Variants in APBA1 observed in about 807,000 individuals in gnomAD.
APBA1 encodes amyloid-beta A4 precursor protein-binding family A member 1.
APBA1 carries 55 observed loss-of-function variants against 86.6 expected under a neutral mutation model. The ratio of observed to expected loss-of-function variants is 0.64; its 90% CI spans 0.51 to 0.80. The LOEUF (loss-of-function observed/expected upper bound fraction) is 0.80, where lower values mean the gene tolerates loss of function less well. Ranked by LOEUF, APBA1 falls within the 30% of genes least tolerant of loss-of-function variation. APBA1 has a pLI of 0.00. For synonymous variants in APBA1, 511 were observed against 493.9 expected (o/e 1.03, Z -0.46); for missense variants, 1,090 against 1,183.0 (o/e 0.92, Z 1.15).
intron 1 of APBA1, among the ~76,000 whole-genome samples, chr9:69,619,193 G>A (rs1465166525): frequency 1.3e-5 from 2 of 152,160 alleles, no homozygotes; most frequent in East Asian, 3.8e-4. Context: ...TAGGAGTGGA[G>A]AGAAGGAAAC....
chr9:69,656,462 C>A (rs968497074), intron 1 of APBA1, among the ~76,000 whole-genome samples: 1 of 152,106 alleles, frequency 6.6e-6, no homozygotes, highest in Non-Finnish European at 1.5e-5. Flanking sequence ...AAGTCAGATG[C>A]AAAAGGCTAC....
chr9:69,491,036 A>G (rs1287848576), intron 2 of APBA1, among the ~76,000 whole-genome samples: 1 of 152,166 alleles, frequency 6.6e-6, no homozygotes, highest in African/African-American at 2.4e-5. Flanking sequence ...CCATTGTGGA[A>G]GTCAGTGTGG....
intron 1 of APBA1, among the ~76,000 whole-genome samples, chr9:69,668,779 C>T (rs1442631605): frequency 6.6e-6 from 1 of 152,120 alleles, no homozygotes. Context: ...TAGGCATACA[C>T]CTTCCACTGC....
At chr9:69,442,210 T>C (rs530773341) in intron 10 of APBA1, among the ~76,000 whole-genome samples, 2 of 152,300 alleles carry the variant, frequency 1.3e-5, no homozygotes, top group African/African-American at 2.4e-5. Context: ...GGAGAAGGAA[T>C]GGCTGATAGC....
At chr9:69,578,063 C>A (rs1821837001) in intron 1 of APBA1, among the ~76,000 whole-genome samples, 1 of 152,172 alleles carries the variant, frequency 6.6e-6, no homozygotes, top group Admixed American at 6.5e-5. Flanking sequence ...GTAAAAGGAG[C>A]CTAGAGGCAA....
At chr9:69,540,287 TC>T (rs1443046389) in intron 1 of APBA1, among the ~76,000 whole-genome samples, 2 of 152,138 alleles carry the variant, frequency 1.3e-5, no homozygotes, top group Non-Finnish European at 2.9e-5. Flanking sequence ...TTGGTCTCTC[TC>T]CCCCACCATG....
intron 1 of APBA1, among the ~76,000 whole-genome samples, chr9:69,632,381 G>A (rs1360911650): frequency 6.6e-6 from 1 of 152,102 alleles, no homozygotes; most frequent in African/African-American, 2.4e-5. Context: ...TTTATTGAGA[G>A]AGAGTCAGTA....
At chr9:69,495,145 C>T (rs1835775341) in intron 2 of APBA1, among the ~76,000 whole-genome samples, 2 of 152,076 alleles carry the variant, frequency 1.3e-5, no homozygotes, top group South Asian at 4.1e-4. Flanking sequence ...CCATCTTGGA[C>T]TTCCAAGCCC....
At chr9:69,595,823 G>A (rs1192185393) in intron 1 of APBA1, among the ~76,000 whole-genome samples, 1 of 152,076 alleles carries the variant, frequency 6.6e-6, no homozygotes, top group Non-Finnish European at 1.5e-5. Context: ...TCTAAGCTCT[G>A]AAGAGACCTT....
intron 2 of APBA1, among the ~76,000 whole-genome samples, chr9:69,504,390 T>G (rs549590561): frequency 1.2e-4 from 18 of 152,218 alleles, no homozygotes; most frequent in African/African-American, 4.3e-4. Context: ...TCTTGATTTC[T>G]CCAAGCGACT....
chr9:69,449,855 A>G, intron 9 of APBA1, 59 bp from the exon 10 acceptor site: 1 of 1,475,716 alleles, frequency 6.8e-7, no homozygotes, highest in South Asian at 1.2e-5. Context: ...GTAGGTAGAA[A>G]TGAAAGCCTC....
At chr9:69,527,720 A>G (rs1387523975) in intron 1 of APBA1, among the ~76,000 whole-genome samples, 1 of 152,070 alleles carries the variant, frequency 6.6e-6, no homozygotes, top group Non-Finnish European at 1.5e-5. Context: ...CTGACTCTAT[A>G]CTTACTCTAT....
At position 69,456,410 on chromosome 9, in the gene APBA1, A is replaced by G; in HGVS notation, c.1625T>C (p.Leu542Pro). 1.2e-6 allele frequency: 2 copies of G among 1,604,828 alleles called. No individual in the cohort carries two copies. The highest frequency in any genetic ancestry group is 1.3e-5 in the African/African-American group (1 of 74,952). Residue 542 changes from leucine to proline, a missense_variant, in exon 8 of 13, where the codon CTG becomes CCG. Physicochemically the swap from Leu to Pro is moderately conservative, Grantham distance 98. Around this residue, in one of 6 missense-constraint regions of APBA1, gnomAD observed 103 missense variants for 91.9 expected, o/e 1.12. Coordinates refer to ENST00000265381, the MANE Select transcript of APBA1 (RefSeq NM_001163.4). Reference protein sequence around the residue: ...DTQETMMDHPLRTISYIADIG... With the variant: ...DTQETMMDHPPRTISYIADIG... ...GTCCGCAATGTAGGAAATGGTCCTC[A>G]GAGGGTGGTCCATCATTGTCTCCTG... is the stretch of plus-strand genomic sequence containing the variant.
chr9:69,512,749 A>T (rs1217961919), intron 2 of APBA1, among the ~76,000 whole-genome samples: 2 of 152,210 alleles, frequency 1.3e-5, no homozygotes, highest in African/African-American at 4.8e-5. Flanking sequence ...TTACAAAACA[A>T]AATAAAATAA....
chr9:69,588,157 C>G (rs1293361636), intron 1 of APBA1, among the ~76,000 whole-genome samples: 1 of 151,690 alleles, frequency 6.6e-6, no homozygotes, highest in African/African-American at 2.4e-5. Flanking sequence ...CAAAGGCAAG[C>G]AAATAATGAA....
intron 11 of APBA1, among the ~76,000 whole-genome samples, chr9:69,436,238 C>T (rs1834716789): frequency 6.7e-6 from 1 of 149,898 alleles, no homozygotes; most frequent in African/African-American, 2.5e-5. Context: ...GTTCTTTTAG[C>T]TTAGGATTGA....
intron 1 of APBA1, among the ~76,000 whole-genome samples, chr9:69,596,239 G>A (rs1264900508): frequency 2.0e-5 from 3 of 151,902 alleles, no homozygotes; most frequent in African/African-American, 7.3e-5. Context: ...CTCCTGCCTT[G>A]GTCTCCCAAA....
intron 1 of APBA1, among the ~76,000 whole-genome samples, chr9:69,595,809 A>G (rs1335998012): frequency 6.6e-6 from 1 of 152,114 alleles, no homozygotes; most frequent in Non-Finnish European, 1.5e-5. Context: ...TTCAGTATCT[A>G]AGCTCTAAGC....
chr9:69,523,920 T>C (rs902660385), intron 1 of APBA1, among the ~76,000 whole-genome samples: 6 of 152,002 alleles, frequency 3.9e-5, no homozygotes, highest in Non-Finnish European at 8.8e-5. Context: ...TAGAAATCAA[T>C]ACCAAGAAGA....
Sources: allele counts gnomAD v4.1 joint callset (sites outside exome capture counted in the v4.1 genomes callset), GRCh38; gene constraint gnomAD v4.1.1; regional missense constraint gnomAD v4.1.1; transcripts MANE v1.5; gene names NCBI Gene and HGNC (gene_info 2026-07-23, HGNC 2026-07-21).